PALM2AKAP2: variants seen among roughly 807,000 people sequenced by gnomAD.
The protein encoded by PALM2AKAP2 is PALM2-AKAP2 fusion protein.
PALM2AKAP2 carries 37 observed loss-of-function variants against 71.5 expected under a neutral mutation model. The ratio of observed to expected loss-of-function variants is 0.52; its 90% CI spans 0.40 to 0.68. The LOEUF is 0.68. Among genes scored for constraint, PALM2AKAP2 ranks in the 30% least tolerant of loss-of-function variants. The pLI is 0.00. For missense variants in PALM2AKAP2, 1,224 were observed against 1,191.8 expected, an observed-to-expected ratio of 1.03 and a Z score of -0.40; for synonymous variants, 468 against 478.8, an observed-to-expected ratio of 0.98 and a Z score of 0.29.
chr9:109,946,687 C>CAAAAAAAAAAA (rs746162235), intron 6 of PALM2AKAP2: 7 of 37,814 alleles, frequency 1.9e-4, no homozygotes, highest in East Asian at 1.6e-3. Flanking sequence ...AACTCCATCT[C>CAAAAAAAAAAA]AAAAAAAAAA....
intron 1 of PALM2AKAP2, among the ~76,000 whole-genome samples, chr9:110,083,701 C>T (rs538999294): frequency 9.9e-5 from 15 of 152,070 alleles, no homozygotes; most frequent in African/African-American, 3.6e-4. Context: ...AGATCACATA[C>T]AAAGAGTCAA....
intron 1 of PALM2AKAP2, among the ~76,000 whole-genome samples, chr9:109,702,349 C>G (rs1297662701): frequency 6.6e-6 from 1 of 152,134 alleles, no homozygotes; most frequent in African/African-American, 2.4e-5. Context: ...ACCCAAATGT[C>G]CAACAATGAT....
intron 1 of PALM2AKAP2, among the ~76,000 whole-genome samples, chr9:109,792,503 A>G (rs1410005292): frequency 6.6e-6 from 1 of 152,138 alleles, no homozygotes; most frequent in Non-Finnish European, 1.5e-5. Context: ...TGGTATACTC[A>G]GGCAACAGAA....
chr9:110,113,458 C>T (rs1246070218), intron 1 of PALM2AKAP2, among the ~76,000 whole-genome samples: 1 of 150,874 alleles, frequency 6.6e-6, no homozygotes, highest in African/African-American at 2.4e-5. Flanking sequence ...AGGATGGTCT[C>T]GATTTCTTGA....
At chr9:109,777,396 TA>T (rs1330744790), upstream of PALM2AKAP2, among the ~76,000 whole-genome samples, 1 of 152,196 alleles carries the variant, frequency 6.6e-6, no homozygotes, top group East Asian at 1.9e-4. Context: ...CCCTGTTGTC[TA>T]ATTTGCTTTG....
chr9:110,109,318 CAA>C (rs542467637), intron 1 of PALM2AKAP2, among the ~76,000 whole-genome samples: 2,963 of 79,626 alleles, frequency 0.037, 78 homozygotes, highest in African/African-American at 0.13. Context: ...TCTTTGTCTC[CAA>C]AAAAAAAAAA....
intron 1 of PALM2AKAP2, among the ~76,000 whole-genome samples, chr9:109,725,700 G>A (rs1828464674): frequency 1.3e-5 from 2 of 152,222 alleles, no homozygotes; most frequent in South Asian, 2.1e-4. Flanking sequence ...AAAGATATCC[G>A]TGTTGCATTA....
At chr9:109,927,966 G>T (rs1289492676) in intron 5 of PALM2AKAP2, among the ~76,000 whole-genome samples, 3 of 152,150 alleles carry the variant, frequency 2.0e-5, no homozygotes, top group Non-Finnish European at 4.4e-5. Flanking sequence ...CTCAGTCCTT[G>T]GTGTATGATA....
chr9:110,051,584 G>T (rs1388495729), intron 1 of PALM2AKAP2, among the ~76,000 whole-genome samples: 1 of 152,194 alleles, frequency 6.6e-6, no homozygotes, highest in African/African-American at 2.4e-5. Context: ...TTCAAATGAA[G>T]ATGAAATTGA....
chr9:109,648,293 T>C (rs1341207596), intron 1 of PALM2AKAP2, among the ~76,000 whole-genome samples: 1 of 152,214 alleles, frequency 6.6e-6, no homozygotes, highest in Non-Finnish European at 1.5e-5. Flanking sequence ...AATGGACTAA[T>C]ACTTAGTGTT....
chr9:109,719,006 A>T (rs1828368144), intron 1 of PALM2AKAP2, among the ~76,000 whole-genome samples: 1 of 152,238 alleles, frequency 6.6e-6, no homozygotes. Flanking sequence ...GGCAAGGAAA[A>T]ATATACTAAC....
At chr9:110,040,091 G>A (rs1040673141) in intron 7 of PALM2AKAP2, among the ~76,000 whole-genome samples, 4 of 151,986 alleles carry the variant, frequency 2.6e-5, no homozygotes, top group African/African-American at 9.7e-5. Context: ...CTATAAAGAA[G>A]GTATTTACTT....
chr9:109,860,719 C>T (rs1053569321), intron 1 of PALM2AKAP2, among the ~76,000 whole-genome samples: 5 of 152,132 alleles, frequency 3.3e-5, no homozygotes, highest in Non-Finnish European at 7.3e-5. Context: ...TTCCTTTTCT[C>T]GATCATTTTT....
chr9:110,130,670 T>C (rs1169200843), intron 1 of PALM2AKAP2, among the ~76,000 whole-genome samples: 1 of 152,152 alleles, frequency 6.6e-6, no homozygotes, highest in Non-Finnish European at 1.5e-5. Context: ...TGTGGCAACT[T>C]TATGAAGACA....
At chr9:109,736,784 A>G (rs930291672) in intron 1 of PALM2AKAP2, among the ~76,000 whole-genome samples, 16 of 152,050 alleles carry the variant, frequency 1.1e-4, no homozygotes, top group Non-Finnish European at 2.2e-4. Flanking sequence ...CACCTTTTGT[A>G]GTCTCCAGTG....
At chr9:110,112,260 G>T (rs1471799572) in intron 1 of PALM2AKAP2, among the ~76,000 whole-genome samples, 1 of 151,730 alleles carries the variant, frequency 6.6e-6, no homozygotes, top group Non-Finnish European at 1.5e-5. Context: ...ATGTGTTTTG[G>T]AAGAGCAAAA....
chr9:109,661,449 G>T (rs145265010), intron 1 of PALM2AKAP2, among the ~76,000 whole-genome samples: 12,789 of 152,164 alleles, frequency 0.084, 604 homozygotes, highest in African/African-American at 0.1. Flanking sequence ...GTTTTTGTCA[G>T]GTTTGTCAAA....
At chr9:109,702,173 G>T (rs1005274652) in intron 1 of PALM2AKAP2, among the ~76,000 whole-genome samples, 1 of 152,026 alleles carries the variant, frequency 6.6e-6, no homozygotes, top group African/African-American at 2.4e-5. Context: ...CATTGTGAAA[G>T]TCAGTGTGGC....
rs183527485 is a variant in PALM2AKAP2 at position 109,913,211 on chromosome 9, C to T, written c.258-10524C>T. ...CACCACATAACTGAAACTTCAAGGT[C>T]ATGGGTGAGCTCTATGTTGTTAAGT... On this transcript the variant is annotated intron_variant, in intron 3 of 9. Transcript: ENST00000302798. 5.3e-5 allele frequency among the ~76,000 whole-genome samples: 8 copies of T among 152,330 alleles called. No individual in the cohort carries two copies. In the East Asian group the frequency reaches 1.3e-3, roughly 26 times the overall value.
Sources: gnomAD v4.1 joint callset for allele counts (sites outside exome capture counted in the v4.1 genomes callset) on GRCh38, gnomAD v4.1.1 for gene constraint, MANE v1.5 for transcripts, NCBI Gene and HGNC (gene_info 2026-07-23, HGNC 2026-07-21) for gene names.